ABCG2: variants seen among roughly 807,000 people sequenced by gnomAD.
ABCG2 encodes broad substrate specificity ATP-binding cassette transporter ABCG2.
ABCG2 carries 80 observed loss-of-function variants against 73.5 expected under a neutral mutation model. The observed-to-expected ratio is 1.09, with a 90% CI of 0.91 to 1.31. The LOEUF (loss-of-function observed/expected upper bound fraction) is 1.31, where lower values mean the gene tolerates loss of function less well. Among genes scored for constraint, ABCG2 ranks in the 50% most tolerant of loss-of-function variants. ABCG2 has a pLI of 0.00. For synonymous variants in ABCG2, 269 were observed against 282.4 expected (o/e 0.95, Z 0.48); for missense variants, 796 against 786.2 (o/e 1.01, Z -0.15).
chr4:88,098,687 G>GAT (rs1304130488), intron 12 of ABCG2, among the ~76,000 whole-genome samples: 1 of 151,908 alleles, frequency 6.6e-6, no homozygotes, highest in Non-Finnish European at 1.5e-5. Flanking sequence ...TAGATAGATA[G>GAT]ACAGATAGAA....
At chr4:88,193,435 T>C (rs1237282358) in intron 1 of ABCG2, among the ~76,000 whole-genome samples, 1 of 152,200 alleles carries the variant, frequency 6.6e-6, no homozygotes, top group Non-Finnish European at 1.5e-5. Flanking sequence ...AATACTGTTT[T>C]CACTGTATAA....
At chr4:88,211,486 C>T (rs1729598251) in intron 1 of ABCG2, among the ~76,000 whole-genome samples, 1 of 151,902 alleles carries the variant, frequency 6.6e-6, no homozygotes, top group Non-Finnish European at 1.5e-5. Context: ...GCGCGATCTC[C>T]GCTCACTGCA....
intron 2 of ABCG2, among the ~76,000 whole-genome samples, chr4:88,135,116 T>C (rs1304410862): frequency 6.6e-6 from 1 of 152,214 alleles, no homozygotes; most frequent in Non-Finnish European, 1.5e-5. Flanking sequence ...ATTAATACTA[T>C]CTGCCCTTTA....
At chr4:88,208,753 CCAGA>C (rs1729471487) in intron 1 of ABCG2, among the ~76,000 whole-genome samples, 1 of 152,136 alleles carries the variant, frequency 6.6e-6, no homozygotes, top group Non-Finnish European at 1.5e-5. Context: ...CTCAATCAAC[CCAGA>C]CAAAGCAAAT....
intron 11 of ABCG2, 90 bp downstream of exon 11, chr4:88,101,140 C>T: frequency 1.9e-6 from 2 of 1,038,458 alleles, no homozygotes; most frequent in Non-Finnish European, 1.5e-6. Context: ...CCTCCGGATC[C>T]CATCCTTGGC....
At chr4:88,165,933 CT>C (rs926546020) in intron 1 of ABCG2, among the ~76,000 whole-genome samples, 1 of 152,006 alleles carries the variant, frequency 6.6e-6, no homozygotes, top group African/African-American at 2.4e-5. Flanking sequence ...CATCTGGAAC[CT>C]TAATTCTCCT....
At position 88,108,163 on chromosome 4, in the gene ABCG2, G is replaced by T. The variant is rs548099767; in HGVS notation, c.1195-897C>A. Among the ~76,000 whole-genome samples, 48 of 152,226 alleles carry T rather than the reference G, an allele frequency of 3.2e-4. No homozygotes were observed. The South Asian group carries it at 1.0e-2, about 32-fold the overall frequency. The stretch of plus-strand genomic sequence containing the variant: ...CAATAAGCAAAGGGTTAATTTAAGG[G>T]TTACGTTATGATATAATTTATCTGA... On this transcript the variant is annotated intron_variant, in intron 9 of 15. Transcript: ENST00000237612.
chr4:88,132,466 C>T, intron 3 of ABCG2, 110 bp downstream of exon 3: 1 of 1,143,730 alleles, frequency 8.7e-7, no homozygotes. Flanking sequence ...CCAGACCTGA[C>T]ATGCGTTGCA....
At chr4:88,111,859 G>A (rs1375149366) in intron 9 of ABCG2, among the ~76,000 whole-genome samples, 5 of 152,166 alleles carry the variant, frequency 3.3e-5, no homozygotes. Context: ...GGGAGGCCAA[G>A]GCAGGAGGAT....
intron 9 of ABCG2, among the ~76,000 whole-genome samples, chr4:88,111,386 CA>C (rs1268962920): frequency 6.6e-6 from 1 of 152,126 alleles, no homozygotes; most frequent in Non-Finnish European, 1.5e-5. Flanking sequence ...CTGACAGAAA[CA>C]CCAAATTATA....
At chr4:88,092,461 AG>A in intron 15 of ABCG2, 80 bp from the exon 16 acceptor site, 1 of 1,445,736 alleles carries the variant, frequency 6.9e-7, no homozygotes, top group Middle Eastern at 1.8e-4. Flanking sequence ...TGTTCCTTAA[AG>A]GAGCCTAAAA....
chr4:88,133,752 C>T (rs1180787064), intron 2 of ABCG2, among the ~76,000 whole-genome samples: 1 of 152,170 alleles, frequency 6.6e-6, no homozygotes, highest in African/African-American at 2.4e-5. Context: ...AATCCCAGCA[C>T]TTCGGGAAGC....
intron 1 of ABCG2, among the ~76,000 whole-genome samples, chr4:88,200,542 A>G (rs991742160): frequency 2.6e-5 from 4 of 152,134 alleles, no homozygotes; most frequent in Non-Finnish European, 5.9e-5. Context: ...TGAAATCTAC[A>G]TAAAGAAAGG....
chr4:88,215,898 A>T (rs1446056721), intron 1 of ABCG2, among the ~76,000 whole-genome samples: 2 of 152,232 alleles, frequency 1.3e-5, no homozygotes, highest in Non-Finnish European at 2.9e-5. Context: ...GACCTATGTC[A>T]GTTAGGAGAC....
chr4:88,138,852 A>AT (rs1174134233), intron 2 of ABCG2, among the ~76,000 whole-genome samples: 2 of 152,092 alleles, frequency 1.3e-5, no homozygotes, highest in Admixed American at 1.3e-4. Flanking sequence ...CCATTTGACC[A>AT]TAAAAAAAAA....
chr4:88,102,757 A>C (rs1353282718), intron 10 of ABCG2, among the ~76,000 whole-genome samples: 1 of 152,160 alleles, frequency 6.6e-6, no homozygotes, highest in Non-Finnish European at 1.5e-5. Flanking sequence ...ACTGAAAAAG[A>C]GGTAAGTGAC....
At chr4:88,094,446 T>C (rs1721847585) in intron 15 of ABCG2, 131 bp downstream of exon 15, 3 of 691,280 alleles carry the variant, frequency 4.3e-6, no homozygotes, top group Non-Finnish European at 7.5e-6. Context: ...ACTCACTTTA[T>C]GGATGAGAAA....
intron 11 of ABCG2, among the ~76,000 whole-genome samples, chr4:88,100,019 T>A (rs1722282691): frequency 6.6e-6 from 1 of 152,068 alleles, no homozygotes; most frequent in African/African-American, 2.4e-5. Context: ...CAAATTGTAA[T>A]CTTTCCTCTT....
At chr4:88,150,242 G>C (rs773476938) in intron 1 of ABCG2, among the ~76,000 whole-genome samples, 1 of 152,138 alleles carries the variant, frequency 6.6e-6, no homozygotes, top group East Asian at 1.9e-4. Flanking sequence ...GCTTGAACCC[G>C]GGAGGCAGAG....
Sources: allele counts gnomAD v4.1 joint callset (sites outside exome capture counted in the v4.1 genomes callset), GRCh38; gene constraint gnomAD v4.1.1; transcripts MANE v1.5; gene names NCBI Gene and HGNC (gene_info 2026-07-23, HGNC 2026-07-21).